ZFHX4: variants seen among roughly 807,000 people sequenced by gnomAD.
ZFHX4 encodes the protein zinc finger homeobox 4, also known as zinc finger homeobox protein 4.
In ZFHX4, 56 loss-of-function variants were observed where a neutral mutation model predicts 267.6. The observed-to-expected ratio is 0.21, with a 90% CI of 0.17 to 0.26. The LOEUF (loss-of-function observed/expected upper bound fraction) is 0.26. ZFHX4 is among the 10% of genes least tolerant of loss of function. The pLI is 1.00. For synonymous variants in ZFHX4, 1,778 were observed against 1,665.6 expected (o/e 1.07, Z -1.64); for missense variants, 4,332 against 4,420.0 (o/e 0.98, Z 0.56).
At chr8:76,747,150 T>G (rs570650025) in intron 3 of ZFHX4, among the ~76,000 whole-genome samples, 1 of 152,338 alleles carries the variant, frequency 6.6e-6, no homozygotes, top group African/African-American at 2.4e-5. Context: ...TTAATAATTT[T>G]TTTAGAATTT....
chr8:76,854,054 C>T lies in ZFHX4; in HGVS notation c.7133C>T (p.Ala2378Val). The change falls in exon 10 of 11, where the codon GCC (alanine) becomes GTC (valine). Residue 2378 changes from alanine (A) to valine (V), a missense_variant. Physicochemically the swap from Ala to Val is moderately conservative, Grantham distance 64 (BLOSUM62 0). Around this residue, in one of 7 missense-constraint regions of ZFHX4, gnomAD observed 1,648 missense variants for 1,625.0 expected, o/e 1.01. Coordinates refer to ENST00000651372, the MANE Select transcript of ZFHX4 (RefSeq NM_024721.5). ...ACGGATGCAGCTAAAAACGCTGCTG[C>T]CCCTGCAGCAAGTTCTGGCTCTGGG... The part of the protein sequence containing the change: ...GQTDAAKNAA[A>V]PAASSGSGTS... The T allele has an allele frequency of 1.2e-6, 2 of 1,613,908 alleles. No homozygotes were observed. Among genetic ancestry groups the T allele is most frequent in the South Asian group, 2.2e-5 (2 of 91,076 alleles).
At chr8:76,730,713 T>A (rs1808986057) in intron 3 of ZFHX4, among the ~76,000 whole-genome samples, 1 of 151,870 alleles carries the variant, frequency 6.6e-6, no homozygotes, top group African/African-American at 2.4e-5. Context: ...AATAAATAAA[T>A]AAATAAATAA....
rs143710394 is a variant in ZFHX4 at position 76,827,784 on chromosome 8, C to T, written c.3326-5554C>T. Among the ~76,000 whole-genome samples, 6 of 152,236 alleles carry T rather than the reference C, an allele frequency of 3.9e-5. No individual in the cohort carries two copies. The East Asian group carries it at 1.2e-3, about 29-fold the overall frequency. ...TGAGGAGGCCCCAGGAGATAGTACT[C>T]CCTTACTATATAAAAATAACTTCTG... is the stretch of plus-strand genomic sequence containing the variant. On this transcript the variant is annotated intron_variant, in intron 4 of 10. Coordinates refer to ENST00000651372, the MANE Select transcript of ZFHX4 (RefSeq NM_024721.5).
At chr8:76,719,898 G>T (rs1206727616) in intron 3 of ZFHX4, among the ~76,000 whole-genome samples, 1 of 152,230 alleles carries the variant, frequency 6.6e-6, no homozygotes, top group East Asian at 1.9e-4. Flanking sequence ...AAAGGGAAAG[G>T]ACTAAAGTGA....
Position 76,851,367 on chromosome 8 carries a change from C to T in ZFHX4, c.4446C>T (p.Gly1482=), listed in dbSNP as rs766889345. The T allele has an allele frequency of 1.9e-6, 3 of 1,613,614 alleles. No individual in the cohort carries two copies. Among genetic ancestry groups the T allele is most frequent in the Non-Finnish European group, 2.5e-6 (3 of 1,179,854 alleles). ...AAACTATGTCCCAGGATGACCATGGCCTAGAGCAGGAAATGGAGAGAGAGT... is the reference window on the plus strand; with the variant it reads ...AAACTATGTCCCAGGATGACCATGGTCTAGAGCAGGAAATGGAGAGAGAGT... ...ESETMSQDDH[G]LEQEMEREYE... is the part of the protein sequence containing the mutation. Residue 1482 remains glycine (G), a synonymous_variant, in exon 10 of 11, where the codon GGC becomes GGT. Transcript: ENST00000651372.
chr8:76,837,661 C>T (rs993351810), intron 5 of ZFHX4, among the ~76,000 whole-genome samples: 2 of 152,106 alleles, frequency 1.3e-5, no homozygotes, highest in African/African-American at 2.4e-5. Flanking sequence ...TATTGCCTAC[C>T]TACTGTATTC....
intron 10 of ZFHX4, 69 bp from the exon 11 acceptor site, chr8:76,863,025 G>C: frequency 6.9e-7 from 1 of 1,446,418 alleles, no homozygotes; most frequent in Non-Finnish European, 9.1e-7. Context: ...CTATTTAGGT[G>C]TTAAGCATAC....
At chr8:76,737,031 A>C (rs957562019) in intron 3 of ZFHX4, among the ~76,000 whole-genome samples, 1 of 152,104 alleles carries the variant, frequency 6.6e-6, no homozygotes, top group African/African-American at 2.4e-5. Context: ...GTAAATACAC[A>C]GTTGCTTTCA....
chr8:76,684,465 A>G (rs928547453), intron 1 of ZFHX4, among the ~76,000 whole-genome samples: 4 of 152,158 alleles, frequency 2.6e-5, no homozygotes, highest in Non-Finnish European at 5.9e-5. Context: ...CTGTGTTTTT[A>G]TTCAGTTGCT....
At chr8:76,693,502 A>AGTGTGTATGTGTGCGTGT (rs1807874816) in intron 1 of ZFHX4, 1 of 151,454 alleles carries the variant, frequency 6.6e-6, no homozygotes, top group South Asian at 2.1e-4. Flanking sequence ...GAAGAAATTG[A>AGTGTGTATGTGTGCGTGT]GTGTGTATGT....
intron 4 of ZFHX4, among the ~76,000 whole-genome samples, chr8:76,814,873 A>G: frequency 6.6e-6 from 1 of 152,176 alleles, no homozygotes; most frequent in African/African-American, 2.4e-5. Flanking sequence ...TAGTATCCAG[A>G]GTCACCTTTG....
chr8:76,847,094 T>C (rs1322580954), intron 6 of ZFHX4, among the ~76,000 whole-genome samples: 1 of 152,216 alleles, frequency 6.6e-6, no homozygotes, highest in Non-Finnish European at 1.5e-5. Flanking sequence ...TTGATTTAAA[T>C]GGCAATGATT....
chr8:76,713,934 C>A (rs1394290099), intron 3 of ZFHX4, among the ~76,000 whole-genome samples: 3 of 151,954 alleles, frequency 2.0e-5, no homozygotes, highest in Non-Finnish European at 4.4e-5. Context: ...CACGTACCAC[C>A]ACCACCACCA....
intron 3 of ZFHX4, among the ~76,000 whole-genome samples, chr8:76,746,713 A>G (rs1422834057): frequency 1.3e-5 from 2 of 152,342 alleles, no homozygotes; most frequent in Non-Finnish European, 2.9e-5. Flanking sequence ...AGAACATGAA[A>G]GAGTCTTTAC....
At chr8:76,850,584 A>T (rs1053378280) in intron 9 of ZFHX4, among the ~76,000 whole-genome samples, 3 of 152,186 alleles carry the variant, frequency 2.0e-5, no homozygotes, top group African/African-American at 7.2e-5. Context: ...ATTCTGTGTG[A>T]TCTAATTCAT....
At position 76,856,747 on chromosome 8, in the gene ZFHX4, C is replaced by T. The variant is rs71529282; in HGVS notation, c.9379+447C>T. ...GGGTGGTGGTGTTTTTGTTTGTCCCCCCCGCCGCCACCCTGTGACACCCAG... is the reference window on the plus strand; with the variant it reads ...GGGTGGTGGTGTTTTTGTTTGTCCCTCCCGCCGCCACCCTGTGACACCCAG... On this transcript the variant is annotated intron_variant, in intron 10 of 10. Transcript: ENST00000651372. Among the ~76,000 whole-genome samples, 546 of 152,062 alleles carry T rather than the reference C, an allele frequency of 3.6e-3. 1 individual carries two copies. Among genetic ancestry groups the T allele is most frequent in the Non-Finnish European group, 6.0e-3 (406 of 67,980 alleles).
intron 3 of ZFHX4, among the ~76,000 whole-genome samples, chr8:76,732,567 T>G (rs2131664941): frequency 6.6e-6 from 1 of 152,244 alleles, no homozygotes; most frequent in African/African-American, 2.4e-5. Flanking sequence ...GGCCTCTAAC[T>G]TGGCCATAAC....
intron 4 of ZFHX4, among the ~76,000 whole-genome samples, chr8:76,821,857 G>C (rs1020547036): frequency 2.6e-5 from 4 of 152,066 alleles, no homozygotes; most frequent in Non-Finnish European, 4.4e-5. Flanking sequence ...CCTTTTGTAG[G>C]AGTGAATCCC....
intron 9 of ZFHX4, 106 bp from the exon 10 acceptor site, chr8:76,850,780 A>G (rs1586008856): frequency 8.5e-6 from 11 of 1,291,886 alleles, no homozygotes; most frequent in Middle Eastern, 2.8e-4. Context: ...TATTCAAACA[A>G]TTAATTAAGC....
Sources: allele counts gnomAD v4.1 joint callset (sites outside exome capture counted in the v4.1 genomes callset), GRCh38; gene constraint gnomAD v4.1.1; regional missense constraint gnomAD v4.1.1; transcripts MANE v1.5; gene names NCBI Gene and HGNC (gene_info 2026-07-23, HGNC 2026-07-21).